Variants in WWP2 observed in about 807,000 individuals in gnomAD.
WWP2 encodes NEDD4-like E3 ubiquitin-protein ligase WWP2.
In WWP2, 57 loss-of-function variants were observed where a neutral mutation model predicts 121.0. The observed-to-expected ratio is 0.47, with a 90% CI of 0.38 to 0.59. The LOEUF (loss-of-function observed/expected upper bound fraction) is 0.59, where lower values mean the gene tolerates loss of function less well. Among genes scored for constraint, WWP2 ranks in the 20% least tolerant of loss-of-function variants. The pLI, the probability that WWP2 is intolerant of heterozygous loss-of-function variation, is 0.00. For synonymous variants in WWP2, 449 were observed against 441.3 expected (o/e 1.02, Z -0.22); for missense variants, 962 against 1,158.9 (o/e 0.83, Z 2.47).
intron 15 of WWP2, 48 bp downstream of exon 15, chr16:69,931,628 C>T: frequency 1.2e-6 from 2 of 1,610,562 alleles, no homozygotes; most frequent in Non-Finnish European, 1.7e-6. Context: ...GCCCTCCTCC[C>T]AGCACCCCAT....
chr16:69,833,848 A>T (rs540514785), intron 4 of WWP2, among the ~76,000 whole-genome samples: 1 of 152,070 alleles, frequency 6.6e-6, no homozygotes, highest in African/African-American at 2.4e-5. Context: ...CAAAGCTTTG[A>T]TTCCAAGAGA....
intron 8 of WWP2, among the ~76,000 whole-genome samples, chr16:69,895,750 AC>A (rs765777531): frequency 3.9e-5 from 6 of 152,162 alleles, no homozygotes; most frequent in Non-Finnish European, 5.9e-5. Context: ...ACTGAGTGAG[AC>A]CCTGTCTCAG....
rs577934952 is a variant in WWP2, at chr16:69,882,411, T to C, written c.704-5628T>C. Among the ~76,000 whole-genome samples the C allele has an allele frequency of 3.0e-4, 45 of 152,356 alleles. No individual in the cohort carries two copies. In the South Asian group the frequency reaches 9.1e-3, roughly 31 times the overall value. On this transcript the variant is annotated intron_variant, in intron 7 of 23. Transcript: ENST00000359154. ...AATCAAATATCTTTCTTTTGCTAGATTATTGGGCTTATTGAATAAGTATTT... is the reference window on the plus strand; with the variant it reads ...AATCAAATATCTTTCTTTTGCTAGACTATTGGGCTTATTGAATAAGTATTT...
intron 9 of WWP2, among the ~76,000 whole-genome samples, chr16:69,917,052 C>G (rs1327895996): frequency 1.3e-5 from 2 of 152,160 alleles, no homozygotes; most frequent in African/African-American, 4.8e-5. Context: ...AACCAAAGAC[C>G]ATGCAACATG....
At position 69,832,920 on chromosome 16, in the gene WWP2, A is replaced by G. The variant is rs1409666693; in HGVS notation, c.341-7206A>G. Among the ~76,000 whole-genome samples the G allele has an allele frequency of 6.6e-5, 10 of 152,122 alleles. No individual in the cohort carries two copies. The East Asian group carries it at 1.7e-3, about 26-fold the overall frequency. On this transcript the variant is annotated intron_variant, in intron 4 of 23. Coordinates refer to ENST00000359154, the MANE Select transcript of WWP2 (RefSeq NM_001270454.2). ...CCTAGGCTGGAGTGCAGTGATGCAA[A>G]CATGGCTCAGTGCAGCCTTGACCTT...
chr16:69,791,828 G>T (rs1332421567), intron 2 of WWP2, among the ~76,000 whole-genome samples: 1 of 151,994 alleles, frequency 6.6e-6, no homozygotes, highest in Non-Finnish European at 1.5e-5. Flanking sequence ...CCCCCACCTC[G>T]GCCTCTTAAG....
chr16:69,909,216 G>A, intron 9 of WWP2: 1 of 1,005,576 alleles, frequency 9.9e-7, no homozygotes, highest in Non-Finnish European at 1.2e-6. Flanking sequence ...TTCCAAGAGA[G>A]GGAAGACTGT....
In WWP2 at chr16:69,940,029, G is replaced by C; in HGVS notation, c.*89G>C. ...GCCACTGGCCCCGCAGCCCTTGGGAGGCCCCCGTGGATGTGGCCCTGTGTG... is the reference window on the plus strand; with the variant it reads ...GCCACTGGCCCCGCAGCCCTTGGGACGCCCCCGTGGATGTGGCCCTGTGTG... On this transcript the variant is annotated 3_prime_UTR_variant, in exon 24 of 24. Transcript: ENST00000359154. 3 of 1,094,938 alleles carry C rather than the reference G, an allele frequency of 2.7e-6. No individual in the cohort carries two copies. The highest frequency in any genetic ancestry group is 4.0e-6 in the Non-Finnish European group (3 of 757,754). 67.8% of individuals were successfully genotyped at this position (1,094,938 alleles called of 1,614,324 possible). A position where few individuals can be genotyped will look rare whatever the true frequency, so the allele number is the denominator to read the frequency against.
rs760449769 is a variant in WWP2 at position 69,906,323 on chromosome 16, T to C, written c.915-2438T>C. ...TCCTGACCTTGTGATCTGCCCGCCT[T>C]GGCCTCCCACAGTGCTGGGATTACA... On this transcript the variant is annotated intron_variant, in intron 8 of 23. Coordinates refer to ENST00000359154, the MANE Select transcript of WWP2 (RefSeq NM_001270454.2). 7.9e-5 allele frequency among the ~76,000 whole-genome samples: 12 copies of C among 152,102 alleles called. No homozygotes were observed. The South Asian group carries it at 8.3e-4, about 11-fold the overall frequency.
At position 69,937,008 on chromosome 16, in the gene WWP2, G is replaced by C; in HGVS notation, c.2118-110G>C. 1 of 1,433,404 alleles carries C rather than the reference G, an allele frequency of 7.0e-7. No individual in the cohort carries two copies. Among genetic ancestry groups the C allele is most frequent in the African/African-American group, 1.4e-5 (1 of 70,678 alleles). 88.8% of individuals were successfully genotyped at this position (1,433,404 alleles called of 1,614,324 possible). On this transcript the variant is annotated intron_variant, in intron 19 of 23. Transcript: ENST00000359154. This position sits in a 1 kb window ranked among gnomAD's most constrained non-coding sequence, Gnocchi z 6.6. ...CAGGCTGGGTCTGGGTGTGCGAAGTGGGCTCTGCTGATCTGGTGGTCCTGC... is the reference window on the plus strand; with the variant it reads ...CAGGCTGGGTCTGGGTGTGCGAAGTCGGCTCTGCTGATCTGGTGGTCCTGC...
intron 6 of WWP2, among the ~76,000 whole-genome samples, chr16:69,869,926 A>T (rs1033601937): frequency 1.3e-5 from 2 of 152,170 alleles, no homozygotes. Flanking sequence ...GATCCTCCCA[A>T]TGGGGAACTT....
Position 69,925,435 on chromosome 16 carries a change from G to A in WWP2, c.1185G>A (p.Ser395=), listed in dbSNP as rs576398359. The A allele has an allele frequency of 9.9e-6, 16 of 1,613,900 alleles. No homozygotes were observed. In the East Asian group the frequency reaches 2.0e-4, roughly 20 times the overall value. The stretch of plus-strand genomic sequence containing the variant: ...GCTGTGTTTCTTGTGTTTAGTCTTC[G>A]AGTGCTTCGACTGACCATGATCCCC... ...HFSQRFLYQS[S]SASTDHDPLG... is the part of the protein sequence containing the mutation. Residue 395 remains serine (S), a synonymous_variant, in exon 11 of 24, where the codon TCG becomes TCA. Transcript: ENST00000359154. The surrounding 1 kb of genome is among the most constrained non-coding windows in gnomAD (Gnocchi z 4.0).
chr16:69,868,106 A>G (rs2057561436), intron 6 of WWP2, among the ~76,000 whole-genome samples: 1 of 152,206 alleles, frequency 6.6e-6, no homozygotes, highest in Non-Finnish European at 1.5e-5. Context: ...AAGGTAACAC[A>G]AGAGCCAAAA....
At chr16:69,895,445 G>A (rs2058091641) in intron 8 of WWP2, among the ~76,000 whole-genome samples, 1 of 152,204 alleles carries the variant, frequency 6.6e-6, no homozygotes, top group Non-Finnish European at 1.5e-5. Context: ...GAGCACACAT[G>A]TGGATATTAC....
In WWP2 at chr16:69,829,098, C is replaced by T. The variant is rs527625662; in HGVS notation, c.341-11028C>T. 1.4e-4 allele frequency among the ~76,000 whole-genome samples: 22 copies of T among 152,284 alleles called. No homozygotes were observed. In the East Asian group the frequency reaches 2.9e-3, roughly 20 times the overall value. On this transcript the variant is annotated intron_variant, in intron 4 of 23. Transcript: ENST00000359154. The stretch of plus-strand genomic sequence containing the variant: ...AATCCCAGGAGCCGTCTTCGATACC[C>T]GACCCCTCTTGCCCACCCCGTTTTC...
chr16:69,880,199 G>T (rs1273638583), intron 7 of WWP2, among the ~76,000 whole-genome samples: 1 of 151,316 alleles, frequency 6.6e-6, no homozygotes, highest in African/African-American at 2.4e-5. Context: ...TGAGGACTGG[G>T]TCTAAATTAT....
intron 13 of WWP2, 67 bp from the exon 14 acceptor site, chr16:69,931,085 T>C: frequency 6.6e-7 from 1 of 1,522,440 alleles, no homozygotes; most frequent in African/African-American, 1.4e-5. Flanking sequence ...TCCTTAGGGC[T>C]GACAAAGACA....
chr16:69,827,372 C>T (rs974501080), intron 4 of WWP2, among the ~76,000 whole-genome samples: 7 of 151,708 alleles, frequency 4.6e-5, no homozygotes, highest in South Asian at 2.1e-4. Context: ...CCAGCCTGGG[C>T]GACAGAGACT....
chr16:69,913,152 G>A (rs2058426289), intron 9 of WWP2, among the ~76,000 whole-genome samples: 1 of 147,136 alleles, frequency 6.8e-6, no homozygotes, highest in Non-Finnish European at 1.5e-5. Context: ...AGCCTCCTAA[G>A]TAGTTGGGGT....
Sources: gnomAD v4.1 joint callset for allele counts (sites outside exome capture counted in the v4.1 genomes callset) on GRCh38, gnomAD v4.1.1 for gene constraint, Gnocchi (gnomAD v3.1) non-coding constraint, MANE v1.5 for transcripts, NCBI Gene and HGNC (gene_info 2026-07-23, HGNC 2026-07-21) for gene names.